Variants in WWOX observed in about 807,000 individuals in gnomAD.
WWOX encodes WW domain-containing oxidoreductase.
In WWOX, 69 loss-of-function variants were observed where a neutral mutation model predicts 46.2. That is an observed-to-expected ratio of 1.49 (90% CI 1.23 to 1.82). The LOEUF is 1.82. WWOX is among the 40% of genes most tolerant of loss of function. WWOX has a pLI of 0.00. For synonymous variants in WWOX, 359 were observed against 202.6 expected (o/e 1.77, Z -6.56); for missense variants, 919 against 542.6 (o/e 1.69, Z -6.89).
At chr16:78,903,729 C>T (rs981065771) in intron 8 of WWOX, among the ~76,000 whole-genome samples, 29 of 152,344 alleles carry the variant, frequency 1.9e-4, no homozygotes, top group Non-Finnish European at 4.0e-4. Context: ...CTTCTTCAAG[C>T]TGCCATCCAT....
intron 8 of WWOX, among the ~76,000 whole-genome samples, chr16:78,829,872 G>T (rs1300904339): frequency 6.6e-6 from 1 of 152,176 alleles, no homozygotes; most frequent in Admixed American, 6.5e-5. Flanking sequence ...GAGAAAAGCT[G>T]TTGAGCACCA....
intron 1 of WWOX, among the ~76,000 whole-genome samples, chr16:78,102,939 G>A (rs567490895): frequency 6.6e-6 from 1 of 152,148 alleles, no homozygotes; most frequent in Non-Finnish European, 1.5e-5. Context: ...ACCCGCTTCC[G>A]GCTTCCTAAG....
At chr16:78,445,468 T>C (rs548325036) in intron 8 of WWOX, among the ~76,000 whole-genome samples, 119 of 152,314 alleles carry the variant, frequency 7.8e-4, no homozygotes, top group African/African-American at 2.5e-3. Flanking sequence ...GGGGACCGTA[T>C]GTTGGGAAGA....
chr16:79,013,700 AACC>A (rs1159190582), intron 8 of WWOX, among the ~76,000 whole-genome samples: 6 of 152,208 alleles, frequency 3.9e-5, no homozygotes, highest in African/African-American at 7.2e-5. Flanking sequence ...TGACTTGGAG[AACC>A]AATCTGAAAT....
intron 5 of WWOX, among the ~76,000 whole-genome samples, chr16:78,181,905 T>G (rs2035542661): frequency 6.6e-6 from 1 of 152,150 alleles, no homozygotes; most frequent in African/African-American, 2.4e-5. Flanking sequence ...GGAGAATAAA[T>G]AGCCCACCCC....
intron 8 of WWOX, among the ~76,000 whole-genome samples, chr16:78,832,584 A>G (rs1426014336): frequency 1.3e-5 from 2 of 152,130 alleles, no homozygotes; most frequent in Admixed American, 6.5e-5. Context: ...TGGTTCGGCT[A>G]TTGGCAGTGG....
At chr16:78,727,263 G>C (rs566849454) in intron 8 of WWOX, among the ~76,000 whole-genome samples, 3 of 152,182 alleles carry the variant, frequency 2.0e-5, no homozygotes, top group African/African-American at 7.2e-5. Context: ...GCTGGGTTTG[G>C]TGACAAACGC....
chr16:78,249,349 A>C (rs1597400023), intron 5 of WWOX, among the ~76,000 whole-genome samples: 1 of 152,150 alleles, frequency 6.6e-6, no homozygotes, highest in Non-Finnish European at 1.5e-5. Flanking sequence ...GGACTCCTGC[A>C]CTTTGCCAGG....
chr16:78,600,073 T>G (rs115245616), intron 8 of WWOX, among the ~76,000 whole-genome samples: 2,082 of 152,128 alleles, frequency 0.014, 35 homozygotes, highest in East Asian at 0.068. Context: ...TCTTACATGG[T>G]TGGCAGCAGG....
At chr16:79,180,657 C>T (rs1336679386) in intron 8 of WWOX, among the ~76,000 whole-genome samples, 3 of 137,618 alleles carry the variant, frequency 2.2e-5, no homozygotes, top group South Asian at 4.2e-4. Flanking sequence ...TTCTCTTCTT[C>T]TTTCTCTCTC....
At chr16:78,389,418 G>C (rs2082131224) in intron 6 of WWOX, among the ~76,000 whole-genome samples, 1 of 152,278 alleles carries the variant, frequency 6.6e-6, no homozygotes, top group Admixed American at 6.5e-5. Context: ...TCAGTTGTCA[G>C]CTATTATGGA....
chr16:79,058,211 G>A (rs1426577978), intron 8 of WWOX, among the ~76,000 whole-genome samples: 1 of 151,898 alleles, frequency 6.6e-6, no homozygotes. Flanking sequence ...GCAGATACAG[G>A]TGTGCCCTCC....
intron 6 of WWOX, among the ~76,000 whole-genome samples, chr16:78,394,025 G>A (rs867671968): frequency 7.9e-5 from 12 of 152,218 alleles, no homozygotes; most frequent in African/African-American, 2.4e-4. Context: ...AAATTTTGCT[G>A]TCTCAAATCC....
At chr16:78,956,839 G>C (rs1567436901) in intron 8 of WWOX, among the ~76,000 whole-genome samples, 1 of 152,126 alleles carries the variant, frequency 6.6e-6, no homozygotes, top group African/African-American at 2.4e-5. Context: ...GCCCACTTTT[G>C]GAAATTGTGA....
chr16:78,836,435 C>T (rs764480035), intron 8 of WWOX, among the ~76,000 whole-genome samples: 2 of 152,204 alleles, frequency 1.3e-5, no homozygotes, highest in African/African-American at 2.4e-5. Context: ...CCCGCAAGGA[C>T]ATACTACTGT....
At chr16:78,482,298 C>T (rs578154925) in intron 8 of WWOX, among the ~76,000 whole-genome samples, 18 of 152,188 alleles carry the variant, frequency 1.2e-4, no homozygotes, top group African/African-American at 2.6e-4. Context: ...TGCAGTGGCG[C>T]GATCTTGGCT....
intron 8 of WWOX, among the ~76,000 whole-genome samples, chr16:79,040,095 A>G (rs2047941652): frequency 6.6e-6 from 1 of 151,954 alleles, no homozygotes; most frequent in East Asian, 1.9e-4. Context: ...AATCATTCCT[A>G]CCCCATAGGT....
intron 8 of WWOX, among the ~76,000 whole-genome samples, chr16:78,719,628 G>GCCTTTT (rs1233949066): frequency 1.3e-5 from 2 of 152,194 alleles, no homozygotes; most frequent in Admixed American, 1.3e-4. Context: ...TAATAAGCTA[G>GCCTTTT]TCAGGTAAGT....
chr16:78,253,885 C>T (rs1459999060), intron 5 of WWOX, among the ~76,000 whole-genome samples: 1 of 152,094 alleles, frequency 6.6e-6, no homozygotes, highest in Non-Finnish European at 1.5e-5. Flanking sequence ...GCATACACTT[C>T]CCACCTCCAG....
Sources: allele counts gnomAD v4.1 joint callset (sites outside exome capture counted in the v4.1 genomes callset), GRCh38; gene constraint gnomAD v4.1.1; transcripts MANE v1.5; gene names NCBI Gene and HGNC (gene_info 2026-07-23, HGNC 2026-07-21).